Variants in PCDHA1 observed in about 807,000 individuals in gnomAD.
PCDHA1 encodes the protein protocadherin alpha-1.
A neutral mutation model predicts 61.3 loss-of-function variants in PCDHA1; 42 were observed. The observed-to-expected ratio is 0.69, with a 90% CI of 0.54 to 0.89. The LOEUF is 0.89. Among genes scored for constraint, PCDHA1 ranks in the 40% least tolerant of loss-of-function variants. PCDHA1 has a pLI of 0.00. For missense variants in PCDHA1, 1,256 were observed against 1,235.3 expected (o/e 1.02, Z -0.25); for synonymous variants, 610 against 553.8 (o/e 1.10, Z -1.43).
intron 1 of PCDHA1, among the ~76,000 whole-genome samples, chr5:140,903,855 AAT>A (rs2070667296): frequency 6.6e-6 from 1 of 152,186 alleles, no homozygotes; most frequent in Non-Finnish European, 1.5e-5. Context: ...CTTAACAAAT[AAT>A]ATAGAGTAAA....
intron 1 of PCDHA1, among the ~76,000 whole-genome samples, chr5:140,794,248 A>T (rs1458630380): frequency 4.6e-5 from 7 of 152,240 alleles, no homozygotes; most frequent in Non-Finnish European, 7.3e-5. Flanking sequence ...CCATCCACGG[A>T]TGCTTGAATG....
At chr5:140,798,254 A>G (rs1762308452) in intron 1 of PCDHA1, among the ~76,000 whole-genome samples, 1 of 152,238 alleles carries the variant, frequency 6.6e-6, no homozygotes, top group South Asian at 2.1e-4. Flanking sequence ...TTGTTACAAC[A>G]AAATGACAGC....
intron 1 of PCDHA1, chr5:140,859,219 T>G (rs901080538): frequency 2.0e-5 from 3 of 149,830 alleles, no homozygotes; most frequent in African/African-American, 4.9e-5. Context: ...CTCTTTCACT[T>G]TAAGGAAGGA....
At chr5:140,912,922 G>A (rs1554195623) in intron 1 of PCDHA1, among the ~76,000 whole-genome samples, 3 of 152,210 alleles carry the variant, frequency 2.0e-5, no homozygotes, top group African/African-American at 7.2e-5. Context: ...ATTTGTGTAT[G>A]TTGAATCATC....
chr5:140,802,754 G>C lies in PCDHA1; in HGVS notation c.2394+14070G>C, dbSNP rs571219787. The C allele has an allele frequency of 2.5e-6, 4 of 1,612,526 alleles. No homozygotes were observed. The East Asian group carries it at 8.9e-5, about 36-fold the overall frequency. ...ACGCGGAGAGCGGCAAGGTGTACGC[G>C]CTGCAGCCGCTGGACCACGAGGAGC... On this transcript the variant is annotated intron_variant, in intron 1 of 3. Transcript: ENST00000504120.
At chr5:140,809,237 G>A (rs1465518164) in intron 1 of PCDHA1, 14 of 1,614,100 alleles carry the variant, frequency 8.7e-6, no homozygotes, top group Non-Finnish European at 1.2e-5. Flanking sequence ...ACGGGCGTTG[G>A]TGGGCGCTGT....
Position 140,801,611 on chromosome 5 carries a change from G to C in PCDHA1, c.2394+12927G>C, listed in dbSNP as rs146287685. 9 of 1,614,162 alleles carry C rather than the reference G, an allele frequency of 5.6e-6. 1 individual carries two copies. The highest frequency in any genetic ancestry group is 7.6e-6 in the Non-Finnish European group (9 of 1,180,024). Reference sequence around the variant, plus strand: ...CGCCAGTTTTTCCAATGGCTGTAAAGAATCTGTTTATTTCCGAATCCCGAC... The same window carrying C: ...CGCCAGTTTTTCCAATGGCTGTAAACAATCTGTTTATTTCCGAATCCCGAC... On this transcript the variant is annotated intron_variant, in intron 1 of 3. Transcript: ENST00000504120.
At chr5:140,966,860 T>TTGC (rs148181752) in intron 1 of PCDHA1, 11 of 1,577,372 alleles carry the variant, frequency 7.0e-6, no homozygotes, top group Non-Finnish European at 9.4e-6. Flanking sequence ...CCTGCTGCTG[T>TTGC]TGCTGCTGCT....
At chr5:140,936,291 A>G (rs996685658) in intron 1 of PCDHA1, among the ~76,000 whole-genome samples, 2 of 152,174 alleles carry the variant, frequency 1.3e-5, no homozygotes, top group African/African-American at 4.8e-5. Flanking sequence ...CTTCTATAAC[A>G]TTGCTATCCA....
chr5:140,967,215 G>T (rs782646028), intron 1 of PCDHA1: 1 of 1,613,682 alleles, frequency 6.2e-7, no homozygotes, highest in Non-Finnish European at 8.5e-7. Context: ...CGTTTCCCGC[G>T]GCCCAACTAC....
rs375705333 is a variant in PCDHA1 at position 140,927,955 on chromosome 5, C to T, written c.2395-50994C>T. On this transcript the variant is annotated intron_variant, in intron 1 of 3. Coordinates refer to ENST00000504120, the MANE Select transcript of PCDHA1 (RefSeq NM_018900.4). ...GAACCCAGTACCTGAGGACGCTGCC[C>T]CTGGCACAGTGATTGCTCTCTTTAG... 34 of 1,614,198 alleles carry T rather than the reference C, an allele frequency of 2.1e-5. 1 individual carries two copies. In the Middle Eastern group the frequency reaches 9.9e-4, roughly 47 times the overall value.
intron 1 of PCDHA1, among the ~76,000 whole-genome samples, chr5:140,792,253 T>C (rs558562577): frequency 2.1e-4 from 32 of 152,326 alleles, no homozygotes; most frequent in Admixed American, 1.4e-3. Context: ...TGTTACTATA[T>C]GCCTTCTCTT....
intron 1 of PCDHA1, among the ~76,000 whole-genome samples, chr5:140,793,660 T>G (rs1554118973): frequency 6.6e-6 from 1 of 152,224 alleles, no homozygotes; most frequent in East Asian, 1.9e-4. Context: ...ATCCCACTCC[T>G]TGATTCATTT....
At chr5:140,925,641 T>TATA (rs10569930) in intron 1 of PCDHA1, among the ~76,000 whole-genome samples, 50,126 of 143,032 alleles carry the variant, frequency 0.35, 8,990 homozygotes, top group South Asian at 0.5. Context: ...GAACTTAAAG[T>TATA]ATAATAATAA....
intron 1 of PCDHA1, among the ~76,000 whole-genome samples, chr5:140,790,145 A>G (rs10477034): frequency 0.51 from 78,149 of 151,980 alleles, 20,283 homozygotes; most frequent in Middle Eastern, 0.64. Context: ...TCTTCCTGCT[A>G]CAAAATCAAG....
intron 3 of PCDHA1, among the ~76,000 whole-genome samples, chr5:140,997,500 C>T (rs567570276): frequency 5.3e-4 from 80 of 152,250 alleles, no homozygotes; most frequent in South Asian, 3.9e-3. Context: ...TGTATCTCAA[C>T]ATACCTAAAC....
intron 3 of PCDHA1, among the ~76,000 whole-genome samples, chr5:140,987,465 T>C (rs1554249222): frequency 6.6e-6 from 1 of 152,130 alleles, no homozygotes; most frequent in Non-Finnish European, 1.5e-5. Flanking sequence ...TGTTAAGAGC[T>C]CAAGCTTGGG....
intron 1 of PCDHA1, chr5:140,849,147 G>A (rs2150431262): frequency 2.3e-6 from 3 of 1,282,624 alleles, no homozygotes; most frequent in South Asian, 2.7e-5. Context: ...CACCGATGGA[G>A]GCAAACCCGA....
At chr5:140,890,718 T>A (rs2062769103) in intron 1 of PCDHA1, among the ~76,000 whole-genome samples, 1 of 152,212 alleles carries the variant, frequency 6.6e-6, no homozygotes, top group Non-Finnish European at 1.5e-5. Context: ...AAAATCTTTT[T>A]AATCCCTTTT....
Sources: gnomAD v4.1 joint callset for allele counts (sites outside exome capture counted in the v4.1 genomes callset) on GRCh38, gnomAD v4.1.1 for gene constraint, MANE v1.5 for transcripts, NCBI Gene and HGNC (gene_info 2026-07-23, HGNC 2026-07-21) for gene names.